Variants in CACNA2D3 observed in about 807,000 individuals in gnomAD.
The protein encoded by CACNA2D3 is voltage-dependent calcium channel subunit alpha-2/delta-3.
In CACNA2D3, 60 loss-of-function variants were observed where a neutral mutation model predicts 160.6. The ratio of observed to expected loss-of-function variants is 0.37; its 90% CI spans 0.30 to 0.46. CACNA2D3 has a LOEUF of 0.46. Among genes scored for constraint, CACNA2D3 ranks in the 20% least tolerant of loss-of-function variants. CACNA2D3 has a pLI of 1.00. For missense variants in CACNA2D3, 1,205 were observed against 1,365.0 expected (o/e 0.88, Z 1.85); for synonymous variants, 558 against 492.9 (o/e 1.13, Z -1.75).
At chr3:54,279,250 A>C (rs1007043498) in intron 2 of CACNA2D3, among the ~76,000 whole-genome samples, 1 of 152,178 alleles carries the variant, frequency 6.6e-6, no homozygotes, top group Non-Finnish European at 1.5e-5. Flanking sequence ...TGACTAACGA[A>C]TGGAAATAAT....
chr3:54,822,783 TTTCTTTCCTTTCTTTCTTTC>T (rs1383327431), intron 14 of CACNA2D3, among the ~76,000 whole-genome samples: 11 of 82,504 alleles, frequency 1.3e-4, no homozygotes, highest in African/African-American at 5.1e-4. Flanking sequence ...TCTTTCTTTC[TTTCTTTCCTTTCTTTCTTTC>T]TTTCTTTCTT....
intron 5 of CACNA2D3, among the ~76,000 whole-genome samples, chr3:54,505,952 A>G (rs1412303876): frequency 6.6e-6 from 1 of 152,212 alleles, no homozygotes; most frequent in Non-Finnish European, 1.5e-5. Context: ...AGCTAATGAT[A>G]TTCAAAGTCA....
chr3:54,156,600 G>T (rs540744694), intron 2 of CACNA2D3, among the ~76,000 whole-genome samples: 1 of 152,334 alleles, frequency 6.6e-6, no homozygotes, highest in East Asian at 1.9e-4. Flanking sequence ...CCACTCTGAA[G>T]CAGGGCTGGC....
At chr3:54,126,676 T>G (rs1699600026) in intron 2 of CACNA2D3, among the ~76,000 whole-genome samples, 1 of 152,302 alleles carries the variant, frequency 6.6e-6, no homozygotes, top group South Asian at 2.1e-4. Context: ...GTGGGACTTG[T>G]CTGTGGGCGC....
At chr3:54,615,383 A>G (rs1272719873) in intron 9 of CACNA2D3, among the ~76,000 whole-genome samples, 1 of 152,250 alleles carries the variant, frequency 6.6e-6, no homozygotes, top group African/African-American at 2.4e-5. Flanking sequence ...ATCAATTAAA[A>G]TAGAGGGACA....
At chr3:54,764,418 G>A in intron 13 of CACNA2D3, 67 bp downstream of exon 13, 1 of 1,573,294 alleles carries the variant, frequency 6.4e-7, no homozygotes. Flanking sequence ...GTTAATTCCA[G>A]AAAATAGCAA....
chr3:54,736,759 G>A (rs1352034633), intron 11 of CACNA2D3, among the ~76,000 whole-genome samples: 2 of 152,154 alleles, frequency 1.3e-5, no homozygotes, highest in Non-Finnish European at 2.9e-5. Flanking sequence ...GTGTTCTCAT[G>A]TCATAATGTA....
intron 2 of CACNA2D3, among the ~76,000 whole-genome samples, chr3:54,132,516 C>G (rs1433965202): frequency 6.6e-6 from 1 of 152,134 alleles, no homozygotes; most frequent in Non-Finnish European, 1.5e-5. Flanking sequence ...GGAGAGGGCT[C>G]ACAGCTCACT....
chr3:54,528,701 T>C (rs1701762542), intron 5 of CACNA2D3, among the ~76,000 whole-genome samples: 1 of 152,220 alleles, frequency 6.6e-6, no homozygotes, highest in African/African-American at 2.4e-5. Flanking sequence ...TAATTATTCC[T>C]GTCCAGGAAT....
chr3:54,943,993 G>A (rs1850141), intron 27 of CACNA2D3, among the ~76,000 whole-genome samples: 100,674 of 152,110 alleles, frequency 0.66, 34,002 homozygotes, highest in African/African-American at 0.78. Context: ...CCATGCCTTC[G>A]TTTCCTAACC....
intron 4 of CACNA2D3, among the ~76,000 whole-genome samples, chr3:54,480,988 C>T (rs149162152): frequency 1.4e-4 from 21 of 152,190 alleles, no homozygotes; most frequent in African/African-American, 4.8e-4. Flanking sequence ...CACAGGAGTC[C>T]CTGGGTCCTG....
At chr3:54,271,230 T>C (rs886282192) in intron 2 of CACNA2D3, among the ~76,000 whole-genome samples, 2 of 152,132 alleles carry the variant, frequency 1.3e-5, no homozygotes, top group African/African-American at 2.4e-5. Flanking sequence ...CATACTGTTT[T>C]TCTTTTCTTT....
At position 54,764,412 on chromosome 3, in the gene CACNA2D3, A is replaced by T. The variant is rs977185221; in HGVS notation, c.1380+61A>T. ...TTACCCCCATCCCCAAATTGTGTTA[A>T]TTCCAGAAAATAGCAACTGTATCAC... is the stretch of plus-strand genomic sequence containing the variant. On this transcript the variant is annotated intron_variant, in intron 13 of 37. Coordinates refer to ENST00000474759, the MANE Select transcript of CACNA2D3 (RefSeq NM_018398.3). 3.2e-6 allele frequency: 5 copies of T among 1,583,252 alleles called. No individual in the cohort carries two copies. The African/African-American group carries it at 6.7e-5, about 21-fold the overall frequency.
At chr3:54,392,708 C>T (rs748782599) in intron 4 of CACNA2D3, among the ~76,000 whole-genome samples, 9 of 152,092 alleles carry the variant, frequency 5.9e-5, no homozygotes, top group Non-Finnish European at 1.3e-4. Flanking sequence ...GGTGGGAAAC[C>T]TCTGAGATAA....
chr3:54,809,920 C>G (rs1703255263), intron 13 of CACNA2D3, among the ~76,000 whole-genome samples: 1 of 152,062 alleles, frequency 6.6e-6, no homozygotes, highest in African/African-American at 2.4e-5. Flanking sequence ...TGGAGGTCAT[C>G]AAAAAACCTA....
At chr3:54,594,815 C>T (rs954438989) in intron 9 of CACNA2D3, among the ~76,000 whole-genome samples, 16 of 152,098 alleles carry the variant, frequency 1.1e-4, no homozygotes, top group African/African-American at 3.9e-4. Flanking sequence ...GTCCTGGGCC[C>T]AGATGTATTT....
intron 11 of CACNA2D3, among the ~76,000 whole-genome samples, chr3:54,643,129 G>C (rs112209562): frequency 2.6e-5 from 4 of 151,982 alleles, no homozygotes; most frequent in South Asian, 2.1e-4. Flanking sequence ...TATCCTGACT[G>C]TCTATAGGTA....
rs71617795 is a variant in CACNA2D3 at position 54,303,818 on chromosome 3, GTTTTTTT to G, written c.205-16610_205-16604del. 1.6e-3 allele frequency among the ~76,000 whole-genome samples: 187 copies of G among 115,014 alleles called. 1 individual carries two copies. The highest frequency in any genetic ancestry group is 5.1e-3 in the African/African-American group (150 of 29,550). 75.5% of individuals were successfully genotyped at this position (115,014 alleles called of 152,430 possible). A position where few individuals can be genotyped will look rare whatever the true frequency, so the allele number is the denominator to read the frequency against. The stretch of plus-strand genomic sequence containing the variant: ...CAGCCTCATCAGTGACTTTTTTTCT[GTTTTTTT>G]TTTTTTTTTTTTTCTATTGCTTAGT... On this transcript the variant is annotated intron_variant, in intron 2 of 37. Transcript: ENST00000474759.
intron 11 of CACNA2D3, among the ~76,000 whole-genome samples, chr3:54,732,208 T>G (rs1384001039): frequency 1.3e-5 from 2 of 152,256 alleles, no homozygotes; most frequent in African/African-American, 4.8e-5. Flanking sequence ...TTTACATGAT[T>G]TGGACAGTGC....
Sources: allele counts gnomAD v4.1 joint callset (sites outside exome capture counted in the v4.1 genomes callset), GRCh38; gene constraint gnomAD v4.1.1; transcripts MANE v1.5; gene names NCBI Gene and HGNC (gene_info 2026-07-23, HGNC 2026-07-21).